The following USP20 variants were observed in gnomAD, a reference collection of about 807,000 sequenced individuals.
The protein encoded by USP20 is ubiquitin carboxyl-terminal hydrolase 20.
USP20 carries 80 observed loss-of-function variants against 124.2 expected under a neutral mutation model. The ratio of observed to expected loss-of-function variants is 0.64; its 90% CI spans 0.54 to 0.78. The LOEUF is 0.78. Among genes scored for constraint, USP20 ranks in the 30% least tolerant of loss-of-function variants. USP20 has a pLI of 0.00. For synonymous variants in USP20, 481 were observed against 512.3 expected (o/e 0.94, Z 0.83); for missense variants, 1,043 against 1,244.4 (o/e 0.84, Z 2.44).
chr9:129,873,859 C>T (rs970928098), intron 17 of USP20, 115 bp downstream of exon 17: 51 of 1,275,228 alleles, frequency 4.0e-5, no homozygotes, highest in Middle Eastern at 2.0e-4. Flanking sequence ...CTGCAGGGGC[C>T]GTGGAGACTC....
Position 129,863,275 on chromosome 9 carries a change from T to C in USP20, c.587T>C (p.Val196Ala). ...PALCKSYQKL[V>A]SEVWHKKRPS... ...CTGTGCAAGAGCTACCAGAAGCTGG[T>C]CTCTGAGGTCTGGCATAAGAAACGG... The change falls in exon 9 of 26, where the codon GTC becomes GCC. Residue 196 changes from valine (V) to alanine (A), a missense_variant. Transcript: ENST00000372429. 1 of 1,548,552 alleles carries C rather than the reference T, an allele frequency of 6.5e-7. No homozygotes were observed. Among genetic ancestry groups the C allele is most frequent in the Non-Finnish European group, 8.7e-7 (1 of 1,143,862 alleles).
In USP20 at chr9:129,881,025, T is replaced by G. The variant is rs2034617652; in HGVS notation, c.*575T>G. ...TGCAGACTGAAGACTCTGGACTCAT[T>G]GCTGATTGGAACACCAGGAGGAGGT... On this transcript the variant is annotated 3_prime_UTR_variant, in exon 26 of 26. Transcript: ENST00000372429. 6.6e-6 allele frequency: 1 copy of G among 152,358 alleles called. No individual in the cohort carries two copies. Among genetic ancestry groups the G allele is most frequent in the Admixed American group, 6.5e-5 (1 of 15,282 alleles). 9.4% of individuals were successfully genotyped at this position (152,358 alleles called of 1,614,324 possible).
At chr9:129,849,096 G>A (rs75950270) in intron 1 of USP20, among the ~76,000 whole-genome samples, 4,706 of 152,296 alleles carry the variant, frequency 0.031, 247 homozygotes, top group African/African-American at 0.11. Flanking sequence ...GAGGGGCCTG[G>A]TGGCATGTGT....
In USP20 at chr9:129,881,031, T is replaced by C. The variant is rs2034617754; in HGVS notation, c.*581T>C. 1 of 152,342 alleles carries C rather than the reference T, an allele frequency of 6.6e-6. No homozygotes were observed. The highest frequency in any genetic ancestry group is 2.1e-4 in the South Asian group (1 of 4,834). 9.4% of individuals were successfully genotyped at this position (152,342 alleles called of 1,614,324 possible). ...CTGAAGACTCTGGACTCATTGCTGA[T>C]TGGAACACCAGGAGGAGGTTGGATT... On this transcript the variant is annotated 3_prime_UTR_variant, in exon 26 of 26. Coordinates refer to ENST00000372429, the MANE Select transcript of USP20 (RefSeq NM_001110303.4).
chr9:129,874,803 G>A (rs1483300452), intron 18 of USP20, 26 bp from the exon 19 acceptor site: 3 of 1,613,864 alleles, frequency 1.9e-6, no homozygotes, highest in Admixed American at 1.7e-5. Flanking sequence ...TAGGATCCCT[G>A]TGACCCGTCT....
intron 14 of USP20, 37 bp from the exon 15 acceptor site, chr9:129,870,416 C>G: frequency 6.2e-7 from 1 of 1,604,572 alleles, no homozygotes; most frequent in Middle Eastern, 1.7e-4. Flanking sequence ...CTTGCCCAGG[C>G]CCTGGCAGCA....
chr9:129,856,357 G>T lies in USP20; in HGVS notation c.132G>T (p.Leu44=). 1 of 1,614,190 alleles carries T rather than the reference G, an allele frequency of 6.2e-7. No individual in the cohort carries two copies. The highest frequency in any genetic ancestry group is 8.5e-7 in the Non-Finnish European group (1 of 1,180,018). The change falls in exon 4 of 26, where the codon CTG becomes CTT. Residue 44 remains leucine, a synonymous_variant. Transcript: ENST00000372429. The stretch of plus-strand genomic sequence containing the variant: ...CCGGACCAAACCTATGGGCCTGTCT[G>T]CAGGTAAAAGACCCTTGTGGCCATC... ...GVTGPNLWAC[L]QVACPYVGCG... is the part of the protein sequence containing the mutation.
intron 1 of USP20, among the ~76,000 whole-genome samples, chr9:129,847,628 A>C (rs567533539): frequency 6.6e-6 from 1 of 152,270 alleles, no homozygotes; most frequent in East Asian, 1.9e-4. Flanking sequence ...GCTTTTAATC[A>C]ACTTTATTGA....
chr9:129,880,117 T>C lies in USP20; in HGVS notation c.2589T>C (p.Ala863=), dbSNP rs753661249. The C allele has an allele frequency of 6.2e-7, 1 of 1,613,544 alleles. No homozygotes were observed. Among genetic ancestry groups the C allele is most frequent in the Non-Finnish European group, 8.5e-7 (1 of 1,179,810 alleles). Residue 863 remains alanine, a synonymous_variant, in exon 25 of 26, where the codon GCT becomes GCC. Coordinates refer to ENST00000372429, the MANE Select transcript of USP20 (RefSeq NM_001110303.4). ...GSGHVQLKQG[A]DYGQISEETW... is the part of the protein sequence containing the mutation. The stretch of plus-strand genomic sequence containing the variant: ...GGTGCCTCTCGTGCCCTGCAGGAGC[T>C]GACTACGGGCAGATTTCGGAGGAGA...
At chr9:129,855,538 T>C (rs2131056979) in intron 3 of USP20, among the ~76,000 whole-genome samples, 1 of 151,948 alleles carries the variant, frequency 6.6e-6, no homozygotes, top group Non-Finnish European at 1.5e-5. Flanking sequence ...TCATCCTGAG[T>C]CCAAGGTGGT....
intron 17 of USP20, 63 bp from the exon 18 acceptor site, chr9:129,874,513 G>C: frequency 1.3e-6 from 2 of 1,590,644 alleles, no homozygotes; most frequent in Non-Finnish European, 1.7e-6. Flanking sequence ...GGGCCCGTGG[G>C]CAAGGCTGCG....
intron 4 of USP20, 61 bp downstream of exon 4, chr9:129,856,421 A>AC: frequency 3.8e-6 from 6 of 1,568,934 alleles, no homozygotes; most frequent in Non-Finnish European, 5.3e-6. Context: ...TCAGCACTGC[A>AC]CAGGCTGGTG....
intron 10 of USP20, among the ~76,000 whole-genome samples, chr9:129,866,467 C>T (rs1038706066): frequency 6.6e-6 from 1 of 152,234 alleles, no homozygotes; most frequent in South Asian, 2.1e-4. Flanking sequence ...AGAGGTTCTA[C>T]CCCTCACCCA....
In USP20 at chr9:129,868,850, C is replaced by G. The variant is rs1397663660; in HGVS notation, c.1136-12C>G. ...CTGCCCTGGCCCAGCATGGTACCCT[C>G]TCTGCCCCCAGAGCCGGACAATGAT... On this transcript the variant is annotated splice_polypyrimidine_tract_variant and intron_variant, in intron 11 of 25. Transcript: ENST00000372429. 6.5e-7 allele frequency: 1 copy of G among 1,545,244 alleles called. No homozygotes were observed. Among genetic ancestry groups the G allele is most frequent in the Non-Finnish European group, 8.7e-7 (1 of 1,143,178 alleles).
chr9:129,860,983 T>C lies in USP20; in HGVS notation c.377T>C (p.Val126Ala). 1 of 1,613,792 alleles carries C rather than the reference T, an allele frequency of 6.2e-7. No individual in the cohort carries two copies. Reference protein sequence around the residue: ...SHPLKAVPIAVADEGESESED... With the variant: ...SHPLKAVPIAAADEGESESED... ...CCTCTGAAAGCTGTTCCTATTGCTG[T>C]GGCTGATGAAGGAGAGTCTGAGTCA... The change falls in exon 7 of 26, where the codon GTG (valine) becomes GCG (alanine). Residue 126 changes from valine to alanine, a missense_variant. By Grantham distance (64) the Val-to-Ala change is moderately conservative (BLOSUM62 0). Transcript: ENST00000372429.
intron 13 of USP20, 60 bp downstream of exon 13, chr9:129,869,485 G>T (rs1296195134): frequency 9.5e-6 from 15 of 1,575,846 alleles, no homozygotes; most frequent in Non-Finnish European, 1.2e-5. Flanking sequence ...AGCAGCTCTT[G>T]CCCTGACTGG....
At chr9:129,864,297 C>T (rs1047158710) in intron 9 of USP20, among the ~76,000 whole-genome samples, 2 of 149,690 alleles carry the variant, frequency 1.3e-5, no homozygotes, top group Admixed American at 6.7e-5. Context: ...AGCAAGACCC[C>T]GCCTCTACAA....
At chr9:129,869,565 G>A (rs565618376) in intron 13 of USP20, 107 bp from the exon 14 acceptor site, 83 of 1,546,580 alleles carry the variant, frequency 5.4e-5, no homozygotes, top group Non-Finnish European at 6.6e-5. Context: ...CGTGGATCCC[G>A]TGTCTATGGC....
intron 1 of USP20, among the ~76,000 whole-genome samples, chr9:129,836,271 G>C (rs779904816): frequency 2.0e-4 from 31 of 152,162 alleles, no homozygotes; most frequent in Non-Finnish European, 3.5e-4. Context: ...CCCTTACTTT[G>C]AGAACTACCT....
Sources: allele counts gnomAD v4.1 joint callset (sites outside exome capture counted in the v4.1 genomes callset), GRCh38; gene constraint gnomAD v4.1.1; transcripts MANE v1.5; gene names NCBI Gene and HGNC (gene_info 2026-07-23, HGNC 2026-07-21).